The following MIA2 variants were observed in gnomAD, a reference collection of about 807,000 sequenced individuals.
MIA2 encodes the protein MIA SH3 domain ER export factor 2.
In MIA2, 127 loss-of-function variants were observed where a neutral mutation model predicts 167.8. The ratio of observed to expected loss-of-function variants is 0.76; its 90% CI spans 0.66 to 0.88. The LOEUF (loss-of-function observed/expected upper bound fraction) is 0.88, where lower values mean the gene tolerates loss of function less well. MIA2 is among the 40% of genes least tolerant of loss of function. MIA2 has a pLI of 0.00. For synonymous variants in MIA2, 552 were observed against 541.9 expected (o/e 1.02, Z -0.26); for missense variants, 1,690 against 1,624.7 (o/e 1.04, Z -0.69).
chr14:39,244,642 C>G (rs2054207874), intron 3 of MIA2, among the ~76,000 whole-genome samples: 1 of 152,216 alleles, frequency 6.6e-6, no homozygotes, highest in South Asian at 2.1e-4. Context: ...ATCGCTATTT[C>G]TAACATTCAG....
chr14:39,263,635 T>C (rs544599642), intron 6 of MIA2, among the ~76,000 whole-genome samples: 23 of 140,402 alleles, frequency 1.6e-4, no homozygotes, highest in Admixed American at 4.9e-4. Flanking sequence ...CTCTCTCTCT[T>C]TTTTTTTTTT....
In MIA2 at chr14:39,359,513, G is replaced by T. The variant is rs895451229; in HGVS notation, c.2248+10536G>T. The stretch of plus-strand genomic sequence containing the variant: ...CCTTGCGCTTCCCAGGTGAGGCGAT[G>T]CTTTGCCCTTCTTTGGCTCACACTC... On this transcript the variant is annotated intron_variant, in intron 23 of 23. Transcript: ENST00000341502. 7.9e-5 allele frequency among the ~76,000 whole-genome samples: 12 copies of T among 152,312 alleles called. No homozygotes were observed. In the East Asian group the frequency reaches 1.7e-3, roughly 22 times the overall value.
chr14:39,278,607 A>C (rs930346859), intron 7 of MIA2, among the ~76,000 whole-genome samples: 4 of 152,178 alleles, frequency 2.6e-5, no homozygotes, highest in African/African-American at 9.7e-5. Flanking sequence ...GAGGTTAAGG[A>C]AGAAAAAGGT....
intron 1 of MIA2, 142 bp from the exon 2 acceptor site, chr14:39,236,780 A>G (rs1490875212): frequency 1.4e-6 from 1 of 728,872 alleles, no homozygotes; most frequent in Non-Finnish European, 2.2e-6. Context: ...TGGGAAGGCT[A>G]TGTAGGTTTT....
chr14:39,298,303 A>G (rs1035286222), intron 13 of MIA2, among the ~76,000 whole-genome samples: 1 of 151,168 alleles, frequency 6.6e-6, no homozygotes, highest in Non-Finnish European at 1.5e-5. Context: ...TTAATACTGT[A>G]TACTGTGTAC....
intron 6 of MIA2, among the ~76,000 whole-genome samples, chr14:39,274,764 C>G (rs1243903407): frequency 6.6e-6 from 1 of 151,200 alleles, no homozygotes; most frequent in African/African-American, 2.4e-5. Context: ...TCTGCCAGAT[C>G]TAACCAGCTC....
At chr14:39,300,672 TGGGGGGA>T (rs1383340862) in intron 14 of MIA2, among the ~76,000 whole-genome samples, 1 of 61,010 alleles carries the variant, frequency 1.6e-5, no homozygotes, top group Non-Finnish European at 2.9e-5. Context: ...TGTTGTGGGG[TGGGGGGA>T]GGGGGGAGGG....
intron 6 of MIA2, among the ~76,000 whole-genome samples, chr14:39,271,444 C>G (rs1303388160): frequency 6.6e-6 from 1 of 151,940 alleles, no homozygotes; most frequent in African/African-American, 2.4e-5. Context: ...TTTGTTTATC[C>G]ACGTTCTTTT....
chr14:39,273,358 T>C (rs2057459878), intron 6 of MIA2, among the ~76,000 whole-genome samples: 1 of 152,000 alleles, frequency 6.6e-6, no homozygotes, highest in African/African-American at 2.4e-5. Context: ...TTTGTTTTTT[T>C]TGTTGTTTGT....
rs111349672 is a variant in MIA2 at position 39,277,280 on chromosome 14, C to T, written c.2019+215C>T. 3.9e-5 allele frequency among the ~76,000 whole-genome samples: 6 copies of T among 151,958 alleles called. 1 individual carries two copies. The highest frequency in any genetic ancestry group is 1.2e-4 in the African/African-American group (5 of 41,442). On this transcript the variant is annotated intron_variant, in intron 7 of 28. Coordinates refer to ENST00000640607, the MANE Select transcript of MIA2 (RefSeq NM_001329214.4). ...GTGGCTCCCACCTCTAATCCCAGCA[C>T]TTTGGGAGGCCAAGGCAGAAAGATC...
intron 20 of MIA2, 132 bp from the exon 21 acceptor site, chr14:39,315,550 TA>T: frequency 1.5e-6 from 1 of 651,026 alleles, no homozygotes; most frequent in Non-Finnish European, 2.7e-6. Flanking sequence ...AAATTTGCTT[TA>T]AAAATGTTGC....
chr14:39,333,897 G>GT (rs1469035939), intron 25 of MIA2, among the ~76,000 whole-genome samples: 3 of 152,138 alleles, frequency 2.0e-5, no homozygotes, highest in Non-Finnish European at 4.4e-5. Context: ...ATTCTACAGA[G>GT]TATCTCCAAA....
chr14:39,364,222 G>A (rs1262166745), intron 23 of MIA2, among the ~76,000 whole-genome samples: 1 of 152,132 alleles, frequency 6.6e-6, no homozygotes, highest in Non-Finnish European at 1.5e-5. Context: ...GCTGGGTGTG[G>A]TGGCGCGCGC....
intron 22 of MIA2, among the ~76,000 whole-genome samples, chr14:39,318,755 C>T (rs937213275): frequency 3.3e-5 from 5 of 152,090 alleles, no homozygotes; most frequent in African/African-American, 1.2e-4. Context: ...TAACTGGAAT[C>T]ATGAGTGTCA....
intron 9 of MIA2, among the ~76,000 whole-genome samples, chr14:39,284,000 C>G (rs754023260): frequency 2.0e-5 from 3 of 152,090 alleles, no homozygotes; most frequent in Non-Finnish European, 4.4e-5. Context: ...GCAGCTTCAC[C>G]TCAAAGGAAC....
At chr14:39,305,952 G>C (rs1021669637) in intron 17 of MIA2, among the ~76,000 whole-genome samples, 6 of 146,270 alleles carry the variant, frequency 4.1e-5, no homozygotes, top group Non-Finnish European at 7.5e-5. Context: ...AAAAAAAAAA[G>C]TACATAAATA....
intron 23 of MIA2, among the ~76,000 whole-genome samples, chr14:39,363,718 A>T (rs1188807762): frequency 3.3e-5 from 5 of 152,104 alleles, no homozygotes; most frequent in African/African-American, 7.2e-5. Context: ...ATGTATTTAG[A>T]ATTGTTATAA....
At chr14:39,310,140 C>G (rs892785846) in intron 18 of MIA2, among the ~76,000 whole-genome samples, 4 of 152,030 alleles carry the variant, frequency 2.6e-5, no homozygotes, top group Admixed American at 2.0e-4. Context: ...TGGACATATT[C>G]AGAATGATGA....
chr14:39,339,477 AT>A (rs1048232507), intron 25 of MIA2, among the ~76,000 whole-genome samples: 1 of 152,020 alleles, frequency 6.6e-6, no homozygotes, highest in African/African-American at 2.4e-5. Context: ...TTAACTCTAT[AT>A]TTTTTGTTCT....
Sources: allele counts gnomAD v4.1 joint callset (sites outside exome capture counted in the v4.1 genomes callset), GRCh38; gene constraint gnomAD v4.1.1; transcripts MANE v1.5; gene names NCBI Gene and HGNC (gene_info 2026-07-23, HGNC 2026-07-21).